ATP1A4: variants seen among roughly 807,000 people sequenced by gnomAD.
The protein encoded by ATP1A4 is sodium/potassium-transporting ATPase subunit alpha-4.
In ATP1A4, 90 loss-of-function variants were observed where a neutral mutation model predicts 114.3. The ratio of observed to expected loss-of-function variants is 0.79; its 90% confidence interval spans 0.66 to 0.94. The LOEUF (loss-of-function observed/expected upper bound fraction) is 0.94, where lower values mean the gene tolerates loss of function less well. Among genes scored for constraint, ATP1A4 ranks in the 40% least tolerant of loss-of-function variants. The probability of loss-of-function intolerance (pLI) is 0.00; values close to 1 mark genes in which losing one functional copy is unlikely to be tolerated. For missense variants in ATP1A4, 1,222 were observed against 1,313.6 expected, an observed-to-expected ratio of 0.93 and a Z score of 1.08; for synonymous variants, 511 against 494.1, an observed-to-expected ratio of 1.03 and a Z score of -0.45.
rs560210799 is a variant in ATP1A4, at chr1:160,172,483, C to T, written c.1854+726C>T. Among the ~76,000 whole-genome samples, 8 of 151,706 alleles carry T rather than the reference C, an allele frequency of 5.3e-5. No individual in the cohort carries two copies. In the East Asian group the frequency reaches 1.5e-3, roughly 29 times the overall value. On this transcript the variant is annotated intron_variant, in intron 12 of 21. Coordinates refer to ENST00000368081, the MANE Select transcript of ATP1A4 (RefSeq NM_144699.4). Reference sequence around the variant, plus strand: ...AGTGAAAGTTCAGCTTCAGAACAAACCCAGAGGTAGAAAATCCTCTTTGGT... The same window carrying T: ...AGTGAAAGTTCAGCTTCAGAACAAATCCAGAGGTAGAAAATCCTCTTTGGT...
At chr1:160,184,799 G>A (rs576000877) in intron 20 of ATP1A4, among the ~76,000 whole-genome samples, 1 of 152,292 alleles carries the variant, frequency 6.6e-6, no homozygotes, top group African/African-American at 2.4e-5. Flanking sequence ...AACAACTGCT[G>A]TCCTGATTCA....
chr1:160,158,319 G>T (rs1462732929), intron 4 of ATP1A4, among the ~76,000 whole-genome samples: 1 of 152,092 alleles, frequency 6.6e-6, no homozygotes, highest in Non-Finnish European at 1.5e-5. Context: ...GCTTGGGCTT[G>T]TTCATAGGGT....
chr1:160,157,655 T>C (rs530869517), intron 4 of ATP1A4, among the ~76,000 whole-genome samples: 27 of 152,168 alleles, frequency 1.8e-4, no homozygotes, highest in Non-Finnish European at 3.4e-4. Flanking sequence ...CACAATGAAG[T>C]TTTTAAGATA....
At chr1:160,185,775 C>T (rs557660010) in intron 20 of ATP1A4, among the ~76,000 whole-genome samples, 30 of 151,734 alleles carry the variant, frequency 2.0e-4, no homozygotes, top group Admixed American at 4.6e-4. Flanking sequence ...AAAAATTAGC[C>T]GGGCATGGTG....
Position 160,181,775 on chromosome 1 carries a change from C to T in ATP1A4, c.2828C>T (p.Ser943Phe). ...VVVQWADLII[S>F]KTRRNSLFQQ... ...GTGCAGTGGGCGGATCTCATCATCT[C>T]CAAGACTCGCCGCAACTCACTTTTC... is the stretch of plus-strand genomic sequence containing the variant. Residue 943 changes from serine (S) to phenylalanine (F), a missense_variant, in exon 19 of 22, where the codon TCC (serine) becomes TTC (phenylalanine). Ser to Phe is a radical substitution (Grantham distance 155). Coordinates refer to ENST00000368081, the MANE Select transcript of ATP1A4 (RefSeq NM_144699.4). The T allele has an allele frequency of 6.2e-7, 1 of 1,614,066 alleles. No homozygotes were observed.
At chr1:160,178,661 G>A (rs983254742) in intron 18 of ATP1A4, among the ~76,000 whole-genome samples, 2 of 150,534 alleles carry the variant, frequency 1.3e-5, no homozygotes, top group African/African-American at 2.5e-5. Flanking sequence ...GCAACAGAGC[G>A]AGACTCCGTC....
chr1:160,168,558 A>T (rs1290203446), intron 10 of ATP1A4, among the ~76,000 whole-genome samples: 2 of 151,726 alleles, frequency 1.3e-5, no homozygotes, highest in Non-Finnish European at 2.9e-5. Context: ...AATTTTTTGT[A>T]TTTTTAGTAG....
intron 10 of ATP1A4, chr1:160,170,286 G>C (rs1653197967): frequency 6.6e-6 from 1 of 152,340 alleles, no homozygotes; most frequent in East Asian, 1.9e-4. Context: ...AATCAGCCCG[G>C]CATAGTGGCG....
intron 10 of ATP1A4, chr1:160,170,049 G>A (rs1006430914): frequency 1.3e-5 from 2 of 152,282 alleles, no homozygotes; most frequent in African/African-American, 4.8e-5. Context: ...AGCAGTTTGG[G>A]AGGCCAAGGT....
At position 160,155,265 on chromosome 1, in the gene ATP1A4, A is replaced by G. The variant is rs758343091; in HGVS notation, c.411+17A>G. The G allele has an allele frequency of 1.1e-5, 18 of 1,602,210 alleles. No individual in the cohort carries two copies. Among genetic ancestry groups the G allele is most frequent in the African/African-American group, 8.0e-5 (6 of 74,794 alleles). ...AAAGACAACGTGAGTCTCTTCAGCT[A>G]CTACTAGCCAGCCCTATCTCTGCTT... On this transcript the variant is annotated intron_variant, in intron 3 of 21. Transcript: ENST00000368081.
chr1:160,159,211 G>C (rs1652782887), intron 5 of ATP1A4, 75 bp downstream of exon 5: 1 of 1,540,124 alleles, frequency 6.5e-7, no homozygotes, highest in Admixed American at 2.0e-5. Flanking sequence ...GGCCGTTAGA[G>C]AAAGTATAAG....
chr1:160,186,788 G>T lies in ATP1A4; in HGVS notation c.*89G>T. ...ATTATAAGTTTGACACAACATCTGA[G>T]ACACTAGGATGAATTATCTTGGATG... On this transcript the variant is annotated 3_prime_UTR_variant, in exon 22 of 22. Coordinates refer to ENST00000368081, the MANE Select transcript of ATP1A4 (RefSeq NM_144699.4). 2 of 1,363,152 alleles carry T rather than the reference G, an allele frequency of 1.5e-6. No homozygotes were observed. Among genetic ancestry groups the T allele is most frequent in the South Asian group, 2.5e-5 (2 of 80,700 alleles). The allele number at this position is 1,363,152 out of a possible 1,614,324, so 84.4% of individuals were successfully genotyped here.
chr1:160,181,642 A>G (rs758614876), intron 18 of ATP1A4, 42 bp from the exon 19 acceptor site: 6 of 1,610,902 alleles, frequency 3.7e-6, no homozygotes, highest in Non-Finnish European at 3.4e-6. Context: ...GGTGTACAGA[A>G]TCCCCTTCTG....
intron 6 of ATP1A4, among the ~76,000 whole-genome samples, chr1:160,161,962 C>G (rs750315680): frequency 8.5e-5 from 13 of 152,188 alleles, no homozygotes; most frequent in Non-Finnish European, 1.8e-4. Flanking sequence ...ACTGGAAACC[C>G]TAAGTTCATC....
In ATP1A4 at chr1:160,171,457, GA is replaced by G; in HGVS notation, c.1681+19del. On this transcript the variant is annotated intron_variant, in intron 11 of 21. Coordinates refer to ENST00000368081, the MANE Select transcript of ATP1A4 (RefSeq NM_144699.4). ...GTGTGCTAGGTGAGGAGCTTTGGGAGAAGTTTTTAAAAGAATGGCATCAAAA... is the reference window on the plus strand; with the variant it reads ...GTGTGCTAGGTGAGGAGCTTTGGGAGAGTTTTTAAAAGAATGGCATCAAAA... 2 of 1,610,336 alleles carry G rather than the reference GA, an allele frequency of 1.2e-6. No individual in the cohort carries two copies. The highest frequency in any genetic ancestry group is 1.7e-6 in the Non-Finnish European group (2 of 1,177,230).
At chr1:160,181,903 G>A (rs201505656) in intron 19 of ATP1A4, 27 bp from the exon 20 acceptor site, 500 of 1,613,228 alleles carry the variant, frequency 3.1e-4, no homozygotes, top group Non-Finnish European at 3.9e-4. Flanking sequence ...CTCCCTCCCC[G>A]CCACACCCAT....
At chr1:160,167,239 A>G (rs55648410) in intron 9 of ATP1A4, 39 bp from the exon 10 acceptor site, 42,060 of 1,572,260 alleles carry the variant, frequency 0.027, 634 homozygotes, top group Non-Finnish European at 0.031. Flanking sequence ...CCCAGGTAGC[A>G]TGCCCCTGGG....
At position 160,164,290 on chromosome 1, in the gene ATP1A4, G is replaced by C; in HGVS notation, c.913G>C (p.Val305Leu). The C allele has an allele frequency of 6.2e-7, 1 of 1,614,178 alleles. No individual in the cohort carries two copies. The highest frequency in any genetic ancestry group is 8.5e-7 in the Non-Finnish European group (1 of 1,180,042). ...EIEHFIHLIT[V>L]VAVFLGVTFF... ...CGAACACTTCATCCATCTGATCACT[G>C]TGGTGGCCGTCTTCCTTGGTGTCAC... The change falls in exon 7 of 22, where the codon GTG becomes CTG. Residue 305 changes from valine to leucine, a missense_variant. Val to Leu is a conservative substitution (Grantham distance 32, BLOSUM62 1). Transcript: ENST00000368081.
intron 19 of ATP1A4, 51 bp from the exon 20 acceptor site, chr1:160,181,879 C>T: frequency 1.2e-6 from 2 of 1,613,882 alleles, no homozygotes; most frequent in Non-Finnish European, 1.7e-6. Flanking sequence ...TGCCATTTCC[C>T]CCTGCCTTTT....
Sources: gnomAD v4.1 joint callset for allele counts (sites outside exome capture counted in the v4.1 genomes callset) on GRCh38, gnomAD v4.1.1 for gene constraint, MANE v1.5 for transcripts, NCBI Gene and HGNC (gene_info 2026-07-23, HGNC 2026-07-21) for gene names.